PITPNC1: variants seen among roughly 807,000 people sequenced by gnomAD.
PITPNC1 encodes the protein phosphatidylinositol transfer protein cytoplasmic 1, also known as cytoplasmic phosphatidylinositol transfer protein 1.
In PITPNC1, 18 loss-of-function variants were observed where a neutral mutation model predicts 44.7. That is an observed-to-expected ratio of 0.40 (90% CI 0.28 to 0.60). PITPNC1 has a LOEUF of 0.60. Among genes scored for constraint, PITPNC1 ranks in the 20% least tolerant of loss-of-function variants. PITPNC1 has a pLI of 0.39. For missense variants in PITPNC1, 290 were observed against 418.4 expected (o/e 0.69, Z 2.68); for synonymous variants, 141 against 149.6 (o/e 0.94, Z 0.42).
chr17:67,417,689 C>T (rs756234710), intron 1 of PITPNC1, among the ~76,000 whole-genome samples: 1 of 152,160 alleles, frequency 6.6e-6, no homozygotes, highest in Non-Finnish European at 1.5e-5. Flanking sequence ...CCCAGTAGCA[C>T]ACCTTTGCAG....
chr17:67,583,009 G>A (rs1373061799), intron 5 of PITPNC1, among the ~76,000 whole-genome samples: 1 of 152,210 alleles, frequency 6.6e-6, no homozygotes, highest in Non-Finnish European at 1.5e-5. Flanking sequence ...TCCCAGCCTT[G>A]GCTGCACATT....
chr17:67,425,030 T>C (rs923479072), intron 1 of PITPNC1, among the ~76,000 whole-genome samples: 1 of 151,934 alleles, frequency 6.6e-6, no homozygotes, highest in South Asian at 2.1e-4. Context: ...CCCTTAAGAA[T>C]GTACTTTGTG....
At chr17:67,687,049 A>C (rs2042829029) in intron 8 of PITPNC1, 1 of 1,464,426 alleles carries the variant, frequency 6.8e-7, no homozygotes, top group Non-Finnish European at 9.6e-7. Flanking sequence ...AGTTGCCAAC[A>C]TCTTGACCTC....
chr17:67,472,504 G>A lies in PITPNC1; in HGVS notation c.49-60298G>A, dbSNP rs537998180. On this transcript the variant is annotated intron_variant, in intron 1 of 8. Coordinates refer to ENST00000581322, the MANE Select transcript of PITPNC1 (RefSeq NM_012417.4). ...CTACTAAAAATAGAAAAAATTAGCC[G>A]GGCGTGGTGGTGGGCGCCTGTAGTC... Among the ~76,000 whole-genome samples the A allele has an allele frequency of 1.5e-4, 23 of 151,628 alleles. No individual in the cohort carries two copies. The South Asian group carries it at 2.1e-3, about 14-fold the overall frequency.
chr17:67,385,287 G>A (rs552213923), intron 1 of PITPNC1, among the ~76,000 whole-genome samples: 29 of 152,184 alleles, frequency 1.9e-4, no homozygotes, highest in Admixed American at 2.6e-4. Context: ...TCTAAAATGC[G>A]CTAATCAGCA....
At chr17:67,687,294 G>A (rs568378742) in intron 8 of PITPNC1, 22 of 659,444 alleles carry the variant, frequency 3.3e-5, no homozygotes, top group African/African-American at 5.4e-5. Flanking sequence ...GAAACATGTC[G>A]TCACCCAGAC....
chr17:67,672,969 G>A (rs538442577), intron 7 of PITPNC1, among the ~76,000 whole-genome samples: 3 of 152,198 alleles, frequency 2.0e-5, no homozygotes, highest in East Asian at 1.9e-4. Context: ...GTTTCCAGCC[G>A]ACAGCTGTGT....
At chr17:67,627,145 CAG>C (rs2041906204) in intron 5 of PITPNC1, among the ~76,000 whole-genome samples, 1 of 152,108 alleles carries the variant, frequency 6.6e-6, no homozygotes. Context: ...CCCAGCTACT[CAG>C]GGGGCTGAGG....
At chr17:67,549,569 T>TG (rs2040730534) in intron 2 of PITPNC1, among the ~76,000 whole-genome samples, 1 of 152,174 alleles carries the variant, frequency 6.6e-6, no homozygotes, top group Admixed American at 6.5e-5. Flanking sequence ...AGTCTCGACT[T>TG]GGATGGAAAA....
At chr17:67,660,310 C>T (rs1200082894) in intron 6 of PITPNC1, among the ~76,000 whole-genome samples, 1 of 152,108 alleles carries the variant, frequency 6.6e-6, no homozygotes, top group Non-Finnish European at 1.5e-5. Flanking sequence ...AGTCCCATGG[C>T]CTCAAGCAGC....
intron 1 of PITPNC1, among the ~76,000 whole-genome samples, chr17:67,382,596 C>G (rs531566461): frequency 1.3e-5 from 2 of 151,920 alleles, no homozygotes; most frequent in Non-Finnish European, 2.9e-5. Flanking sequence ...ATTTGGTAGA[C>G]GTAGATGTAG....
intron 5 of PITPNC1, among the ~76,000 whole-genome samples, chr17:67,625,824 C>G (rs983438295): frequency 6.6e-6 from 1 of 152,136 alleles, no homozygotes; most frequent in Non-Finnish European, 1.5e-5. Context: ...ACCTGGGTCA[C>G]TTGATCTCAG....
intron 1 of PITPNC1, among the ~76,000 whole-genome samples, chr17:67,387,110 T>C (rs1567970861): frequency 6.6e-6 from 1 of 152,182 alleles, no homozygotes; most frequent in African/African-American, 2.4e-5. Flanking sequence ...ACAAATAACA[T>C]CCAAATCATT....
At chr17:67,410,014 G>A (rs927372615) in intron 1 of PITPNC1, among the ~76,000 whole-genome samples, 6 of 152,168 alleles carry the variant, frequency 3.9e-5, no homozygotes, top group African/African-American at 1.4e-4. Context: ...CAGAGTATGT[G>A]CCTAGAAGTG....
chr17:67,602,874 C>G (rs2041560059), intron 5 of PITPNC1, among the ~76,000 whole-genome samples: 1 of 152,086 alleles, frequency 6.6e-6, no homozygotes, highest in Non-Finnish European at 1.5e-5. Flanking sequence ...GTAGCTGGAA[C>G]TACAGGTGCA....
intron 1 of PITPNC1, among the ~76,000 whole-genome samples, chr17:67,490,723 G>A (rs1442540116): frequency 1.3e-5 from 2 of 152,184 alleles, no homozygotes; most frequent in Admixed American, 1.3e-4. Flanking sequence ...GTCGTCCCCA[G>A]GGAGAAATGA....
At chr17:67,534,882 G>A (rs938743536) in intron 2 of PITPNC1, among the ~76,000 whole-genome samples, 1 of 152,060 alleles carries the variant, frequency 6.6e-6, no homozygotes, top group Admixed American at 6.6e-5. Context: ...TCAGGGCCTC[G>A]GACGTGGTTA....
chr17:67,673,907 C>T (rs1012655102), intron 7 of PITPNC1, among the ~76,000 whole-genome samples: 2 of 141,440 alleles, frequency 1.4e-5, no homozygotes, highest in Admixed American at 1.5e-4. Context: ...GCCGAGATCG[C>T]AGTGAGCCGA....
At chr17:67,624,079 C>T (rs928352325) in intron 5 of PITPNC1, among the ~76,000 whole-genome samples, 1 of 152,088 alleles carries the variant, frequency 6.6e-6, no homozygotes, top group African/African-American at 2.4e-5. Flanking sequence ...TGGCAATTCT[C>T]CCATAGTAGG....
Sources: gnomAD v4.1 joint callset for allele counts (sites outside exome capture counted in the v4.1 genomes callset) on GRCh38, gnomAD v4.1.1 for gene constraint, MANE v1.5 for transcripts, NCBI Gene and HGNC (gene_info 2026-07-23, HGNC 2026-07-21) for gene names.